The following ZCWPW2 variants were observed in gnomAD, a reference collection of about 807,000 sequenced individuals.
ZCWPW2 encodes the protein zinc finger CW-type PWWP domain protein 2.
In ZCWPW2, 45 loss-of-function variants were observed where a neutral mutation model predicts 46.6. That is an observed-to-expected ratio of 0.96 (90% CI 0.76 to 1.24). The LOEUF is 1.24. Among genes scored for constraint, ZCWPW2 ranks in the 50% most tolerant of loss-of-function variants. ZCWPW2 has a pLI of 0.00. For synonymous variants in ZCWPW2, 152 were observed against 137.1 expected (o/e 1.11, Z -0.76); for missense variants, 429 against 403.9 (o/e 1.06, Z -0.53).
rs1699147967 is a variant in ZCWPW2, at chr3:28,474,343, C to G, written c.493-4471C>G. Among the ~76,000 whole-genome samples, 6 of 152,038 alleles carry G rather than the reference C, an allele frequency of 3.9e-5. No homozygotes were observed. In the South Asian group the frequency reaches 1.2e-3, roughly 32 times the overall value. On this transcript the variant is annotated intron_variant, in intron 4 of 9. Coordinates refer to ENST00000383768, the MANE Select transcript of ZCWPW2 (RefSeq NM_001040432.4). ...AAATTTAAAATATACATACATTAAA[C>G]CTGTAATTTTATGTCTTGGAACTTA...
At chr3:28,371,917 C>A (rs1034358436) in intron 1 of ZCWPW2, among the ~76,000 whole-genome samples, 1 of 151,792 alleles carries the variant, frequency 6.6e-6, no homozygotes, top group African/African-American at 2.4e-5. Flanking sequence ...CTCCTGCTTT[C>A]TTCTTCTCTT....
rs576084957 is a variant in ZCWPW2, at chr3:28,406,101, G to T, written c.-13-6955G>T. 9.8e-5 allele frequency among the ~76,000 whole-genome samples: 15 copies of T among 152,336 alleles called. No individual in the cohort carries two copies. The East Asian group carries it at 1.5e-3, about 16-fold the overall frequency. On this transcript the variant is annotated intron_variant, in intron 2 of 9. Coordinates refer to ENST00000383768, the MANE Select transcript of ZCWPW2 (RefSeq NM_001040432.4). The stretch of plus-strand genomic sequence containing the variant: ...GGAAATACCTGAGCAAAGTGTTGAA[G>T]CTGTGGCTTGGCTCTTCTTGACTGC...
chr3:28,477,814 G>T (rs1262237732), intron 4 of ZCWPW2, among the ~76,000 whole-genome samples: 2 of 151,956 alleles, frequency 1.3e-5, no homozygotes, highest in African/African-American at 2.4e-5. Flanking sequence ...TATTCCTTTT[G>T]CTGGTATTCA....
chr3:28,428,848 G>A (rs1261578720), intron 3 of ZCWPW2, among the ~76,000 whole-genome samples: 1 of 152,140 alleles, frequency 6.6e-6, no homozygotes, highest in African/African-American at 2.4e-5. Flanking sequence ...GAAGAAGGAT[G>A]TGTTTGCTTC....
intron 5 of ZCWPW2, among the ~76,000 whole-genome samples, chr3:28,482,535 CATATGGTGAGAT>C (rs1699464289): frequency 6.6e-6 from 1 of 151,222 alleles, no homozygotes; most frequent in South Asian, 2.1e-4. Flanking sequence ...AATTGCTGAT[CATATGGTGAGAT>C]ATGTTCAAAT....
At chr3:28,381,025 GTA>G (rs66815845) in intron 1 of ZCWPW2, among the ~76,000 whole-genome samples, 308 of 7,008 alleles carry the variant, frequency 0.044, 71 homozygotes, top group African/African-American at 0.11. Context: ...TATATATTTG[GTA>G]TATATATATA....
intron 5 of ZCWPW2, among the ~76,000 whole-genome samples, chr3:28,487,694 T>A (rs1253402971): frequency 6.6e-6 from 1 of 152,134 alleles, no homozygotes; most frequent in Admixed American, 6.6e-5. Context: ...GGGCATGATG[T>A]TCTGGGTAAA....
chr3:28,477,465 A>G (rs1699273202), intron 4 of ZCWPW2, among the ~76,000 whole-genome samples: 1 of 152,218 alleles, frequency 6.6e-6, no homozygotes, highest in South Asian at 2.1e-4. Context: ...CAAAGATAAA[A>G]TATTATGTAT....
chr3:28,391,553 C>T (rs968713993), intron 2 of ZCWPW2, among the ~76,000 whole-genome samples: 3 of 152,128 alleles, frequency 2.0e-5, no homozygotes, highest in Non-Finnish European at 4.4e-5. Context: ...CTGGAGATGG[C>T]TAGGGATACA....
intron 2 of ZCWPW2, among the ~76,000 whole-genome samples, chr3:28,411,782 A>G (rs1575105887): frequency 6.6e-6 from 1 of 152,232 alleles, no homozygotes. Flanking sequence ...AAAGAATTAA[A>G]CACATTAAAA....
At chr3:28,432,152 A>C (rs1332356825) in intron 3 of ZCWPW2, among the ~76,000 whole-genome samples, 1 of 152,192 alleles carries the variant, frequency 6.6e-6, no homozygotes, top group Non-Finnish European at 1.5e-5. Context: ...GGGGACACAA[A>C]GCCTAACCAT....
chr3:28,410,386 T>G (rs1361363357), intron 2 of ZCWPW2, among the ~76,000 whole-genome samples: 2 of 150,358 alleles, frequency 1.3e-5, no homozygotes, highest in African/African-American at 4.9e-5. Context: ...AATGATTAAA[T>G]GTACACCTTG....
intron 2 of ZCWPW2, among the ~76,000 whole-genome samples, chr3:28,408,826 A>G (rs1696271728): frequency 6.6e-6 from 1 of 152,180 alleles, no homozygotes. Flanking sequence ...CCCTCAGCTC[A>G]GTTGTTCACA....
intron 9 of ZCWPW2, among the ~76,000 whole-genome samples, chr3:28,522,346 G>T (rs1161979587): frequency 6.6e-6 from 1 of 152,076 alleles, no homozygotes; most frequent in Non-Finnish European, 1.5e-5. Context: ...CTGAAAATTG[G>T]CAATGGCAGT....
chr3:28,362,490 C>T (rs1044064052), intron 1 of ZCWPW2, among the ~76,000 whole-genome samples: 2 of 152,092 alleles, frequency 1.3e-5, no homozygotes, highest in African/African-American at 2.4e-5. Context: ...TCAATATCAT[C>T]ATTACAGAAG....
In ZCWPW2 at chr3:28,521,127, T is replaced by C. The variant is rs758506404; in HGVS notation, c.909+11T>C. On this transcript the variant is annotated intron_variant, in intron 9 of 9. Transcript: ENST00000383768. ...AATATGGGAGAAAAGGTAATATTGA[T>C]AGTTATTTTCAGACCTAAATAACAA... 12 of 1,591,340 alleles carry C rather than the reference T, an allele frequency of 7.5e-6. No homozygotes were observed. The African/African-American group carries it at 1.2e-4, about 16-fold the overall frequency.
At chr3:28,411,914 T>A (rs1190605552) in intron 2 of ZCWPW2, among the ~76,000 whole-genome samples, 3 of 152,062 alleles carry the variant, frequency 2.0e-5, no homozygotes, top group Non-Finnish European at 4.4e-5. Flanking sequence ...TATGTATTGG[T>A]TGGTCTTTTT....
chr3:28,391,166 G>A (rs1695471702), intron 2 of ZCWPW2, among the ~76,000 whole-genome samples: 2 of 152,122 alleles, frequency 1.3e-5, no homozygotes, highest in Non-Finnish European at 2.9e-5. Flanking sequence ...AAGTAGATAA[G>A]GTTTTTAGCA....
chr3:28,387,306 A>C (rs570482232), intron 1 of ZCWPW2, among the ~76,000 whole-genome samples: 22 of 152,240 alleles, frequency 1.4e-4, no homozygotes, highest in Admixed American at 3.3e-4. Context: ...CTTTCATGGA[A>C]GGATTCCCCA....
Sources: gnomAD v4.1 joint callset for allele counts (sites outside exome capture counted in the v4.1 genomes callset) on GRCh38, gnomAD v4.1.1 for gene constraint, MANE v1.5 for transcripts, NCBI Gene and HGNC (gene_info 2026-07-23, HGNC 2026-07-21) for gene names.